Variants in FER1L6 observed in about 807,000 individuals in gnomAD.
FER1L6 encodes the protein fer-1-like protein 6.
A neutral mutation model predicts 219.2 loss-of-function variants in FER1L6; 177 were observed. The ratio of observed to expected loss-of-function variants is 0.81; its 90% CI spans 0.71 to 0.91. The LOEUF is 0.91. Among genes scored for constraint, FER1L6 ranks in the 40% least tolerant of loss-of-function variants. The probability of loss-of-function intolerance (pLI) is 0.00; values close to 1 mark genes in which losing one functional copy is unlikely to be tolerated. For missense variants in FER1L6, 2,153 were observed against 2,259.9 expected, an observed-to-expected ratio of 0.95 and a Z score of 0.96; for synonymous variants, 768 against 824.3, an observed-to-expected ratio of 0.93 and a Z score of 1.17.
intron 31 of FER1L6, among the ~76,000 whole-genome samples, chr8:124,075,013 A>G (rs1438681634): frequency 1.3e-5 from 2 of 152,208 alleles, no homozygotes; most frequent in Non-Finnish European, 2.9e-5. Context: ...GCTCTGGGTG[A>G]GTCACTGAGT....
chr8:124,090,023 A>C (rs1008852736), intron 33 of FER1L6, among the ~76,000 whole-genome samples: 1 of 152,214 alleles, frequency 6.6e-6, no homozygotes, highest in Non-Finnish European at 1.5e-5. Context: ...TTCTCATACA[A>C]AAGCCACTGC....
Position 123,966,276 on chromosome 8 carries a change from C to T in FER1L6, c.370C>T (p.Pro124Ser). Residue 124 changes from proline to serine, a missense_variant, in exon 5 of 41, where the codon CCA becomes TCA. Transcript: ENST00000522917. ...CACAGTGAAGGAAGGAACCAACAGC[C>T]CATTTTATAATGAAGTAAGTCATGG... ...QSTVKEGTNS[P>S]FYNEYFVFDF... 6.2e-7 allele frequency: 1 copy of T among 1,614,094 alleles called. No individual in the cohort carries two copies. Among genetic ancestry groups the T allele is most frequent in the Non-Finnish European group, 8.5e-7 (1 of 1,179,994 alleles).
intron 6 of FER1L6, among the ~76,000 whole-genome samples, chr8:123,971,591 A>T (rs1354604754): frequency 6.6e-6 from 1 of 152,270 alleles, no homozygotes; most frequent in Non-Finnish European, 1.5e-5. Context: ...ACTTCGAAGA[A>T]GAGAAGACTT....
chr8:123,885,789 A>G (rs1817190804), intron 1 of FER1L6, among the ~76,000 whole-genome samples: 2 of 152,126 alleles, frequency 1.3e-5, no homozygotes, highest in South Asian at 4.2e-4. Flanking sequence ...GCCCATGTTC[A>G]TTCTTGAGCC....
chr8:124,058,093 G>C (rs1309661574), intron 22 of FER1L6, among the ~76,000 whole-genome samples: 4 of 152,190 alleles, frequency 2.6e-5, no homozygotes, highest in Non-Finnish European at 5.9e-5. Context: ...AGTAACCACT[G>C]TACTAAAGAT....
At chr8:124,002,369 CGAA>C (rs1296840025) in intron 12 of FER1L6, among the ~76,000 whole-genome samples, 2 of 151,962 alleles carry the variant, frequency 1.3e-5, no homozygotes, top group African/African-American at 4.8e-5. Context: ...GGGTCAGGAA[CGAA>C]GAAGTTAGGA....
intron 1 of FER1L6, among the ~76,000 whole-genome samples, chr8:123,880,852 A>G (rs908075876): frequency 1.3e-5 from 2 of 152,170 alleles, no homozygotes; most frequent in African/African-American, 4.8e-5. Flanking sequence ...TCTGATGATC[A>G]ATTAATTATG....
chr8:123,994,381 A>C (rs1817025152), intron 12 of FER1L6, among the ~76,000 whole-genome samples: 1 of 152,174 alleles, frequency 6.6e-6, no homozygotes, highest in Admixed American at 6.5e-5. Context: ...TTCTCTGACC[A>C]CTGGGGCAAT....
At chr8:123,888,362 C>T (rs1817243097) in intron 1 of FER1L6, among the ~76,000 whole-genome samples, 1 of 152,132 alleles carries the variant, frequency 6.6e-6, no homozygotes, top group African/African-American at 2.4e-5. Context: ...TGCAATCCAC[C>T]TGCCTCAGCC....
At chr8:123,915,895 G>T (rs1684309309) in intron 1 of FER1L6, among the ~76,000 whole-genome samples, 1 of 152,210 alleles carries the variant, frequency 6.6e-6, no homozygotes, top group African/African-American at 2.4e-5. Context: ...GGTATAGACA[G>T]CGTGAGTAAA....
chr8:123,855,724 C>T (rs1048028637), intron 1 of FER1L6, among the ~76,000 whole-genome samples: 1 of 111,466 alleles, frequency 9.0e-6, no homozygotes. Flanking sequence ...CACACACACA[C>T]ACATATACGT....
rs61303449 is a variant in FER1L6 at position 123,852,471 on chromosome 8, C to CGTGTGTGTGT, written c.-8+319_-8+328dup. 3.8e-4 allele frequency among the ~76,000 whole-genome samples: 53 copies of CGTGTGTGTGT among 140,056 alleles called. No individual in the cohort carries two copies. Among genetic ancestry groups the CGTGTGTGTGT allele is most frequent in the Middle Eastern group, 3.6e-3 (1 of 280 alleles). 91.9% of individuals were successfully genotyped at this position (140,056 alleles called of 152,430 possible). A position where few individuals can be genotyped will look rare whatever the true frequency, so the allele number is the denominator to read the frequency against. On this transcript the variant is annotated intron_variant, in intron 1 of 40. Coordinates refer to ENST00000522917, the MANE Select transcript of FER1L6 (RefSeq NM_001039112.2). The surrounding 1 kb of genome is among the most constrained non-coding windows in gnomAD (Gnocchi z 4.9). ...GCTTGAACTCCATGTTGTGAGCATG[C>CGTGTGTGTGT]GTGTGTGTGTGTGTGTGTGTGTGTG...
At chr8:123,949,444 T>C (rs975276671) in intron 1 of FER1L6, among the ~76,000 whole-genome samples, 2 of 152,204 alleles carry the variant, frequency 1.3e-5, no homozygotes, top group African/African-American at 4.8e-5. Context: ...AAATCTGTTA[T>C]GGGTCAGTGT....
intron 34 of FER1L6, among the ~76,000 whole-genome samples, chr8:124,093,511 A>G (rs1296534310): frequency 1.3e-5 from 2 of 152,098 alleles, no homozygotes; most frequent in Non-Finnish European, 2.9e-5. Flanking sequence ...AACCCATTGA[A>G]GGTTCTTACA....
Position 123,857,383 on chromosome 8 carries a change from A to G in FER1L6, c.-8+5198A>G, listed in dbSNP as rs2130244143. Among the ~76,000 whole-genome samples the G allele has an allele frequency of 2.0e-5, 3 of 152,086 alleles. 1 individual carries two copies. The South Asian group carries it at 6.2e-4, about 32-fold the overall frequency. ...AAATTAGCCAGACATTGTGGCATGC[A>G]CCTGTAGTCCTAGCTACTCAGGAGG... On this transcript the variant is annotated intron_variant, in intron 1 of 40. Transcript: ENST00000522917.
chr8:124,087,071 G>T (rs1420623442), intron 33 of FER1L6, among the ~76,000 whole-genome samples: 2 of 152,094 alleles, frequency 1.3e-5, no homozygotes, highest in South Asian at 2.1e-4. Flanking sequence ...AGTCTTATTT[G>T]GATTAAATCT....
At chr8:123,980,943 C>A (rs1816298100) in intron 11 of FER1L6, 132 bp downstream of exon 11, 2 of 731,716 alleles carry the variant, frequency 2.7e-6, no homozygotes, top group Admixed American at 2.9e-5. Flanking sequence ...GTTGGCCCAG[C>A]CCTGTGTTCT....
intron 10 of FER1L6, 81 bp from the exon 11 acceptor site, chr8:123,980,384 A>G: frequency 8.8e-7 from 1 of 1,135,558 alleles, no homozygotes; most frequent in Non-Finnish European, 1.3e-6. Flanking sequence ...TTTCTTGGAT[A>G]TTCTACATTT....
chr8:124,053,103 C>G (rs1190184934), intron 22 of FER1L6, among the ~76,000 whole-genome samples: 2 of 152,204 alleles, frequency 1.3e-5, no homozygotes, highest in African/African-American at 4.8e-5. Context: ...AGTCAACTCT[C>G]TTTTCACTAC....
Sources: allele counts gnomAD v4.1 joint callset (sites outside exome capture counted in the v4.1 genomes callset), GRCh38; gene constraint gnomAD v4.1.1; non-coding constraint Gnocchi (gnomAD v3.1); transcripts MANE v1.5; gene names NCBI Gene and HGNC (gene_info 2026-07-23, HGNC 2026-07-21).